The following IGF2BP2 variants were observed in gnomAD, a reference collection of about 807,000 sequenced individuals.
IGF2BP2 encodes the protein insulin like growth factor 2 mRNA binding protein 2.
IGF2BP2 carries 17 observed loss-of-function variants against 75.8 expected under a neutral mutation model. The observed-to-expected ratio is 0.22, with a 90% CI of 0.15 to 0.34. The LOEUF (loss-of-function observed/expected upper bound fraction) is 0.34, where lower values mean the gene tolerates loss of function less well. IGF2BP2 is among the 10% of genes least tolerant of loss of function. The pLI is 1.00. For synonymous variants in IGF2BP2, 288 were observed against 295.6 expected (o/e 0.97, Z 0.26); for missense variants, 516 against 772.4 (o/e 0.67, Z 3.93).
intron 12 of IGF2BP2, among the ~76,000 whole-genome samples, chr3:185,656,826 G>T (rs1191116470): frequency 1.3e-5 from 2 of 152,214 alleles, no homozygotes; most frequent in Non-Finnish European, 2.9e-5. Flanking sequence ...GTTGCATATC[G>T]GGTTAGACCC....
intron 4 of IGF2BP2, among the ~76,000 whole-genome samples, chr3:185,695,860 G>A (rs375109899): frequency 1.6e-4 from 25 of 152,152 alleles, no homozygotes; most frequent in Admixed American, 5.2e-4. Flanking sequence ...GTGTAATCTC[G>A]GTTCACTGCA....
At chr3:185,811,748 G>A (rs570405194) in intron 2 of IGF2BP2, among the ~76,000 whole-genome samples, 4 of 151,910 alleles carry the variant, frequency 2.6e-5, no homozygotes, top group Admixed American at 2.6e-4. Flanking sequence ...TGCAAAATAC[G>A]AAACCATGGG....
In IGF2BP2 at chr3:185,648,061, CG is replaced by C. The variant is rs1436967420; in HGVS notation, c.1594-924del. Among the ~76,000 whole-genome samples the C allele has an allele frequency of 3.3e-5, 5 of 151,662 alleles. No homozygotes were observed. In the East Asian group the frequency reaches 9.6e-4, roughly 29 times the overall value. The stretch of plus-strand genomic sequence containing the variant: ...TGGAGCGCCGACTGCATTCTGGAGA[CG>C]GGGAATCCTTTGATTCCACACCGCT... On this transcript the variant is annotated intron_variant, in intron 14 of 15. Transcript: ENST00000382199.
chr3:185,795,403 T>C (rs1231729384), intron 2 of IGF2BP2, among the ~76,000 whole-genome samples: 1 of 152,246 alleles, frequency 6.6e-6, no homozygotes, highest in Non-Finnish European at 1.5e-5. Flanking sequence ...TTCCACATGT[T>C]GACCAATGCA....
At chr3:185,659,910 T>G (rs944231804) in intron 10 of IGF2BP2, among the ~76,000 whole-genome samples, 6 of 152,092 alleles carry the variant, frequency 3.9e-5, no homozygotes, top group Non-Finnish European at 7.4e-5. Flanking sequence ...TTCTCCTGCC[T>G]CAGCCTCCCA....
At chr3:185,761,427 T>A (rs1732351988) in intron 2 of IGF2BP2, among the ~76,000 whole-genome samples, 1 of 152,196 alleles carries the variant, frequency 6.6e-6, no homozygotes, top group Admixed American at 6.5e-5. Context: ...TTAATATTAC[T>A]GCATTCACTG....
rs553805256 is a variant in IGF2BP2 at position 185,698,753 on chromosome 3, C to T, written c.240-406G>A. On this transcript the variant is annotated intron_variant, in intron 2 of 15. Coordinates refer to ENST00000382199, the MANE Select transcript of IGF2BP2 (RefSeq NM_006548.6). Reference sequence around the variant, plus strand: ...AAGCGATTCTCCTGCTTCAGCCTCCCGAATAGCTGGGATTACAGGTGCCCA... The same window carrying T: ...AAGCGATTCTCCTGCTTCAGCCTCCTGAATAGCTGGGATTACAGGTGCCCA... Among the ~76,000 whole-genome samples, 13 of 152,164 alleles carry T rather than the reference C, an allele frequency of 8.5e-5. No individual in the cohort carries two copies. The South Asian group carries it at 1.2e-3, about 15-fold the overall frequency.
intron 2 of IGF2BP2, among the ~76,000 whole-genome samples, chr3:185,734,665 C>T (rs1028019156): frequency 2.0e-5 from 3 of 152,046 alleles, no homozygotes; most frequent in Admixed American, 6.6e-5. Flanking sequence ...GCAGCAGTAA[C>T]GTGGAAAAAA....
intron 10 of IGF2BP2, among the ~76,000 whole-genome samples, chr3:185,668,267 C>T (rs1316817822): frequency 6.6e-6 from 1 of 151,844 alleles, no homozygotes; most frequent in Non-Finnish European, 1.5e-5. Context: ...TAGAAAGATG[C>T]CCATAATAAG....
At chr3:185,747,482 A>T (rs1730398517) in intron 2 of IGF2BP2, among the ~76,000 whole-genome samples, 1 of 152,050 alleles carries the variant, frequency 6.6e-6, no homozygotes, top group Non-Finnish European at 1.5e-5. Context: ...ACTTCGAGAC[A>T]AGCCTGACCA....
At chr3:185,823,763 C>A (rs1326749503) in intron 1 of IGF2BP2, among the ~76,000 whole-genome samples, 1 of 151,924 alleles carries the variant, frequency 6.6e-6, no homozygotes, top group Non-Finnish European at 1.5e-5. Flanking sequence ...GGGGAAGGGG[C>A]TCCCGCCGGG....
At chr3:185,801,676 C>A (rs1447970299) in intron 2 of IGF2BP2, among the ~76,000 whole-genome samples, 1 of 151,914 alleles carries the variant, frequency 6.6e-6, no homozygotes, top group Non-Finnish European at 1.5e-5. Flanking sequence ...TGAGTGTATA[C>A]CCAAAGGATT....
rs1197197233 is a variant in IGF2BP2 at position 185,727,213 on chromosome 3, G to A, written c.240-28866C>T. Among the ~76,000 whole-genome samples, 14 of 120,140 alleles carry A rather than the reference G, an allele frequency of 1.2e-4. No homozygotes were observed. In the East Asian group the frequency reaches 1.3e-3, roughly 11 times the overall value. The allele number at this position is 120,140 out of a possible 152,430, so 78.8% of individuals were successfully genotyped here. On this transcript the variant is annotated intron_variant, in intron 2 of 15. Coordinates refer to ENST00000382199, the MANE Select transcript of IGF2BP2 (RefSeq NM_006548.6). The stretch of plus-strand genomic sequence containing the variant: ...AGCCTGGGCGACAGAGAGAGACTCC[G>A]TCTCAAAAAAAAAAAAAAAAAGTAA...
intron 2 of IGF2BP2, among the ~76,000 whole-genome samples, chr3:185,806,844 G>T (rs1739096439): frequency 6.6e-6 from 1 of 152,224 alleles, no homozygotes; most frequent in African/African-American, 2.4e-5. Context: ...AAAGATCTGA[G>T]GGCCTGATGC....
At chr3:185,668,418 A>C (rs561586048) in intron 10 of IGF2BP2, among the ~76,000 whole-genome samples, 4 of 150,896 alleles carry the variant, frequency 2.7e-5, no homozygotes, top group Non-Finnish European at 4.4e-5. Context: ...TATTGGGTGA[A>C]ATTTGGATAA....
In IGF2BP2 at chr3:185,647,146, G is replaced by T; in HGVS notation, c.1594-8C>A. 1 of 1,605,340 alleles carries T rather than the reference G, an allele frequency of 6.2e-7. No homozygotes were observed. Among genetic ancestry groups the T allele is most frequent in the Non-Finnish European group, 8.5e-7 (1 of 1,171,954 alleles). ...GTTCTGCAGTTCGTTCACCTGTGAA[G>T]GGAGAAACGGCAACGGGTTGGATAG... is the stretch of plus-strand genomic sequence containing the variant. On this transcript the variant is annotated splice_region_variant and splice_polypyrimidine_tract_variant and intron_variant, in intron 14 of 15. Coordinates refer to ENST00000382199, the MANE Select transcript of IGF2BP2 (RefSeq NM_006548.6). This position sits in a 1 kb window ranked among gnomAD's most constrained non-coding sequence, Gnocchi z 4.9.
At chr3:185,710,486 A>G (rs779807433) in intron 2 of IGF2BP2, among the ~76,000 whole-genome samples, 5 of 152,154 alleles carry the variant, frequency 3.3e-5, no homozygotes, top group Admixed American at 6.5e-5. Context: ...TATTCCCAGC[A>G]CTTTGGGAGG....
At chr3:185,769,208 G>C (rs868291665) in intron 2 of IGF2BP2, among the ~76,000 whole-genome samples, 1 of 151,938 alleles carries the variant, frequency 6.6e-6, no homozygotes, top group African/African-American at 2.4e-5. Context: ...AGCTGAGCAT[G>C]GGGAGGCTGA....
intron 5 of IGF2BP2, among the ~76,000 whole-genome samples, chr3:185,690,053 G>A (rs1391559977): frequency 1.3e-5 from 2 of 151,998 alleles, no homozygotes; most frequent in Admixed American, 1.3e-4. Context: ...GCCATGCCAG[G>A]CACTGAACAT....
Sources: allele counts gnomAD v4.1 joint callset (sites outside exome capture counted in the v4.1 genomes callset), GRCh38; gene constraint gnomAD v4.1.1; non-coding constraint Gnocchi (gnomAD v3.1); transcripts MANE v1.5; gene names NCBI Gene and HGNC (gene_info 2026-07-23, HGNC 2026-07-21).